The following TTC21B variants were observed in gnomAD, a reference collection of about 807,000 sequenced individuals.
The protein encoded by TTC21B is tetratricopeptide repeat domain 21B, also known as tetratricopeptide repeat protein 21B.
TTC21B carries 127 observed loss-of-function variants against 175.1 expected under a neutral mutation model. The observed-to-expected ratio is 0.73, with a 90% confidence interval of 0.63 to 0.84. The LOEUF (loss-of-function observed/expected upper bound fraction) is 0.84. Among genes scored for constraint, TTC21B ranks in the 40% least tolerant of loss-of-function variants. The probability of loss-of-function intolerance (pLI) is 0.00; values close to 1 mark genes in which losing one functional copy is unlikely to be tolerated. For synonymous variants in TTC21B, 524 were observed against 524.5 expected (o/e 1.00, Z 0.01); for missense variants, 1,561 against 1,558.3 (o/e 1.00, Z -0.03).
intron 20 of TTC21B, among the ~76,000 whole-genome samples, chr2:165,900,931 T>C (rs1456567311): frequency 6.6e-6 from 1 of 151,124 alleles, no homozygotes; most frequent in African/African-American, 2.4e-5. Context: ...AGACAGGGTA[T>C]TGCTTTGTTA....
intron 12 of TTC21B, among the ~76,000 whole-genome samples, chr2:165,920,183 C>T (rs896724860): frequency 6.6e-6 from 1 of 152,072 alleles, no homozygotes; most frequent in Non-Finnish European, 1.5e-5. Context: ...CATAAATGGG[C>T]CTTAAGAAGA....
In TTC21B at chr2:165,920,676, G is replaced by A. The variant is rs188687606; in HGVS notation, c.1517-1243C>T. On this transcript the variant is annotated intron_variant, in intron 12 of 28. Transcript: ENST00000243344. Reference sequence around the variant, plus strand: ...TAAGAGAATGAAGAAAATGAGTGCCGTATGAGTAACAGAAATGAGAATCTT... The same window carrying A: ...TAAGAGAATGAAGAAAATGAGTGCCATATGAGTAACAGAAATGAGAATCTT... Among the ~76,000 whole-genome samples the A allele has an allele frequency of 2.1e-3, 312 of 145,536 alleles. 2 individuals are homozygous for A. Among genetic ancestry groups the A allele is most frequent in the African/African-American group, 7.2e-3 (278 of 38,652 alleles).
At position 165,890,486 on chromosome 2, in the gene TTC21B, C is replaced by T; in HGVS notation, c.3256G>A (p.Asp1086Asn). 6.2e-7 allele frequency: 1 copy of T among 1,613,348 alleles called. No homozygotes were observed. Among genetic ancestry groups the T allele is most frequent in the Non-Finnish European group, 8.5e-7 (1 of 1,179,522 alleles). ...GGEVFENLDGDLGNSTEKQES... is the reference protein window; with the variant it reads ...GGEVFENLDGNLGNSTEKQES... ...ATATGTCAAATAACTCACCCCAGGT[C>T]TCCATCCAGGTTTTCAAATACTTCA... is the stretch of plus-strand genomic sequence containing the variant. The change falls in exon 24 of 29, where the codon GAC becomes AAC. Residue 1086 changes from aspartate (D) to asparagine (N), a missense_variant. Transcript: ENST00000243344.
intron 24 of TTC21B, among the ~76,000 whole-genome samples, chr2:165,889,833 CTTAA>C (rs908527638): frequency 6.6e-5 from 10 of 152,118 alleles, no homozygotes; most frequent in Admixed American, 2.0e-4. Flanking sequence ...TGTCTTGCCT[CTTAA>C]TTAAACACTC....
intron 17 of TTC21B, among the ~76,000 whole-genome samples, chr2:165,912,119 T>G (rs1186397864): frequency 6.6e-6 from 1 of 152,028 alleles, no homozygotes; most frequent in African/African-American, 2.4e-5. Context: ...AGGGCAAGAA[T>G]ATAACAGTTC....
intron 17 of TTC21B, among the ~76,000 whole-genome samples, chr2:165,911,981 TATG>T (rs1685965255): frequency 6.6e-6 from 1 of 152,196 alleles, no homozygotes; most frequent in South Asian, 2.1e-4. Flanking sequence ...TAACATTTCT[TATG>T]ATAAGTAGAT....
At chr2:165,900,778 T>C (rs1411561584) in intron 20 of TTC21B, among the ~76,000 whole-genome samples, 3 of 152,104 alleles carry the variant, frequency 2.0e-5, no homozygotes, top group Non-Finnish European at 4.4e-5. Context: ...ATTGATACAA[T>C]AAATTTGAAA....
At chr2:165,922,447 C>T (rs1228977406) in intron 12 of TTC21B, among the ~76,000 whole-genome samples, 2 of 149,002 alleles carry the variant, frequency 1.3e-5, no homozygotes, top group Non-Finnish European at 3.0e-5. Flanking sequence ...AGAAGATATA[C>T]AAATGGCCCA....
chr2:165,906,965 A>G (rs1685760261), intron 19 of TTC21B, among the ~76,000 whole-genome samples: 1 of 151,084 alleles, frequency 6.6e-6, no homozygotes, highest in East Asian at 1.9e-4. Flanking sequence ...CAAAAAAAAA[A>G]AAAAAAAAAA....
chr2:165,944,977 A>G (rs868224096), intron 4 of TTC21B, among the ~76,000 whole-genome samples: 8 of 152,308 alleles, frequency 5.3e-5, no homozygotes, highest in Middle Eastern at 3.4e-3. Flanking sequence ...TTAATTTAAA[A>G]CAGTGCCTAG....
intron 19 of TTC21B, among the ~76,000 whole-genome samples, chr2:165,905,109 A>G (rs1454821284): frequency 2.0e-5 from 3 of 152,220 alleles, no homozygotes; most frequent in Non-Finnish European, 4.4e-5. Flanking sequence ...CAAAGTTTCA[A>G]ACAACTAATT....
chr2:165,930,288 G>C lies in TTC21B; in HGVS notation c.971C>G (p.Ser324Ter). 1.2e-6 allele frequency: 2 copies of C among 1,613,096 alleles called. No individual in the cohort carries two copies. The highest frequency in any genetic ancestry group is 1.1e-5 in the South Asian group (1 of 91,032). The change falls in exon 9 of 29, where the codon TCA becomes TGA. Residue 324 changes from serine (S) to a stop codon, truncating the protein, a stop_gained. Transcript: ENST00000243344. LOFTEE classifies it high-confidence loss of function. Reference protein sequence around the residue: ...ERAFSLNPQQSEFATELGYQM... With the variant: ...ERAFSLNPQQ ...GTATCCAAGTTCTGTAGCAAATTCT[G>C]ATTGCTGAGGGTTTAAACTAAAAGC...
chr2:165,884,893 C>T (rs1684952995), intron 25 of TTC21B, among the ~76,000 whole-genome samples: 1 of 152,168 alleles, frequency 6.6e-6, no homozygotes, highest in African/African-American at 2.4e-5. Flanking sequence ...GCTTAACATA[C>T]AAATAAAGGG....
At chr2:165,919,673 C>A (rs1407573365) in intron 12 of TTC21B, among the ~76,000 whole-genome samples, 1 of 152,110 alleles carries the variant, frequency 6.6e-6, no homozygotes, top group Non-Finnish European at 1.5e-5. Context: ...CCAGGGAAAG[C>A]AGGAAAGGAT....
chr2:165,898,899 G>A, intron 21 of TTC21B, 132 bp from the exon 22 acceptor site: 1 of 688,812 alleles, frequency 1.5e-6, no homozygotes, highest in South Asian at 1.6e-5. Context: ...TAAAAAGGAG[G>A]CATTTAAGAT....
chr2:165,941,177 C>G lies in TTC21B; in HGVS notation c.560G>C (p.Cys187Ser). The G allele has an allele frequency of 6.2e-7, 1 of 1,613,858 alleles. No homozygotes were observed. Among genetic ancestry groups the G allele is most frequent in the African/African-American group, 1.3e-5 (1 of 75,022 alleles). ...TGAATAATTCTGGCGCATCTCAAGGCATTGTGCCTAATGGAAGGGAAAAAA... is the reference window on the plus strand; with the variant it reads ...TGAATAATTCTGGCGCATCTCAAGGGATTGTGCCTAATGGAAGGGAAAAAA... ...DTFALLGKAQ[C>S]LEMRQNYSGA... Residue 187 changes from cysteine to serine, a missense_variant, in exon 6 of 29, where the codon TGC becomes TCC. Transcript: ENST00000243344.
At chr2:165,911,586 AG>A (rs1349192491) in intron 17 of TTC21B, 121 bp from the exon 18 acceptor site, 32 of 1,130,540 alleles carry the variant, frequency 2.8e-5, no homozygotes, top group Admixed American at 1.3e-4. Context: ...GAAGAATTGT[AG>A]GCATACACCT....
intron 12 of TTC21B, among the ~76,000 whole-genome samples, chr2:165,920,775 A>C (rs1686366450): frequency 6.6e-6 from 1 of 152,106 alleles, no homozygotes; most frequent in Non-Finnish European, 1.5e-5. Context: ...GAAATATTTT[A>C]AATATTTAAA....
At chr2:165,943,185 G>A (rs753711383) in intron 5 of TTC21B, 34 bp downstream of exon 5, 4 of 1,609,964 alleles carry the variant, frequency 2.5e-6, no homozygotes, top group Admixed American at 3.3e-5. Flanking sequence ...AATATATTTT[G>A]AAACATGATT....
Sources: gnomAD v4.1 joint callset for allele counts (sites outside exome capture counted in the v4.1 genomes callset) on GRCh38, gnomAD v4.1.1 for gene constraint, MANE v1.5 for transcripts, NCBI Gene and HGNC (gene_info 2026-07-23, HGNC 2026-07-21) for gene names.